The following PAK5 variants were observed in gnomAD, a reference collection of about 807,000 sequenced individuals.
PAK5 encodes serine/threonine-protein kinase PAK 5.
Under a neutral mutation model 65.9 loss-of-function variants are expected in PAK5, and 16 were observed. The ratio of observed to expected loss-of-function variants is 0.24; its 90% CI spans 0.16 to 0.37. The LOEUF is 0.37. Ranked by LOEUF, PAK5 falls within the 10% of genes least tolerant of loss-of-function variation. The probability of loss-of-function intolerance (pLI) is 1.00; values close to 1 mark genes in which losing one functional copy is unlikely to be tolerated. For synonymous variants in PAK5, 371 were observed against 354.9 expected, an observed-to-expected ratio of 1.05 and a Z score of -0.51; for missense variants, 785 against 903.9, an observed-to-expected ratio of 0.87 and a Z score of 1.69.
At chr20:9,704,959 G>A (rs2123471903) in intron 2 of PAK5, among the ~76,000 whole-genome samples, 1 of 152,320 alleles carries the variant, frequency 6.6e-6, no homozygotes, top group Middle Eastern at 3.4e-3. Context: ...TCCCACAGGA[G>A]CAAGACGCTC....
chr20:9,627,884 C>A (rs1439850202), intron 3 of PAK5, among the ~76,000 whole-genome samples: 1 of 152,206 alleles, frequency 6.6e-6, no homozygotes, highest in Non-Finnish European at 1.5e-5. Context: ...GCCTCTGCCT[C>A]CCAAAGTGCT....
intron 9 of PAK5, among the ~76,000 whole-genome samples, chr20:9,542,019 AC>A: frequency 6.6e-6 from 1 of 152,202 alleles, no homozygotes. Flanking sequence ...TTTGTAAATT[AC>A]TCAGTCTTGG....
chr20:9,758,944 G>A (rs2048666524), intron 1 of PAK5, among the ~76,000 whole-genome samples: 1 of 152,062 alleles, frequency 6.6e-6, no homozygotes, highest in African/African-American at 2.4e-5. Flanking sequence ...AGGTTTCAGA[G>A]CCCACTGAGT....
intron 1 of PAK5, among the ~76,000 whole-genome samples, chr20:9,780,065 T>C (rs1159500403): frequency 6.6e-6 from 1 of 152,104 alleles, no homozygotes; most frequent in East Asian, 1.9e-4. Context: ...ACCAGACACA[T>C]TTTCTGCATG....
At position 9,827,110 on chromosome 20, in the gene PAK5, T is replaced by C. The variant is rs2081476033; in HGVS notation, c.-162+11652A>G. ...AATCTTTCTCTCTACCTCTTTTTTA[T>C]TCACAGAAAATAGAAAACCAGTATT... On this transcript the variant is annotated intron_variant, in intron 1 of 9. Coordinates refer to ENST00000353224, the MANE Select transcript of PAK5 (RefSeq NM_177990.4). Among the ~76,000 whole-genome samples, 6 of 152,244 alleles carry C rather than the reference T, an allele frequency of 3.9e-5. No individual in the cohort carries two copies. In the South Asian group the frequency reaches 1.0e-3, roughly 26 times the overall value.
intron 1 of PAK5, among the ~76,000 whole-genome samples, chr20:9,772,947 C>T (rs775937985): frequency 5.9e-5 from 9 of 152,194 alleles, no homozygotes; most frequent in Non-Finnish European, 1.2e-4. Context: ...GAAACTGAGG[C>T]ATTGTCTCTC....
intron 1 of PAK5, among the ~76,000 whole-genome samples, chr20:9,722,556 G>A (rs1366100642): frequency 3.9e-5 from 6 of 151,920 alleles, no homozygotes; most frequent in Non-Finnish European, 7.4e-5. Flanking sequence ...AGCTTGCAGT[G>A]AGCCGCGATC....
At chr20:9,735,880 G>A (rs2123567990) in intron 1 of PAK5, among the ~76,000 whole-genome samples, 1 of 150,846 alleles carries the variant, frequency 6.6e-6, no homozygotes, top group East Asian at 2.0e-4. Flanking sequence ...ACAACTTTGA[G>A]ACATAGCAAT....
chr20:9,790,092 C>T (rs2049034096), intron 1 of PAK5, among the ~76,000 whole-genome samples: 1 of 152,138 alleles, frequency 6.6e-6, no homozygotes, highest in Admixed American at 6.6e-5. Context: ...TTTTCCATGA[C>T]AGCCCAAAGA....
intron 3 of PAK5, among the ~76,000 whole-genome samples, chr20:9,620,327 G>A (rs1277033461): frequency 6.6e-6 from 1 of 152,220 alleles, no homozygotes; most frequent in Non-Finnish European, 1.5e-5. Flanking sequence ...TCCTAAAAGG[G>A]AACAATGAAA....
chr20:9,581,808 G>A (rs1318322553), intron 3 of PAK5, among the ~76,000 whole-genome samples: 2 of 152,180 alleles, frequency 1.3e-5, no homozygotes, highest in African/African-American at 2.4e-5. Flanking sequence ...CAAATATGAT[G>A]GGGGTGGATA....
chr20:9,576,999 G>C (rs1294713145), intron 4 of PAK5, among the ~76,000 whole-genome samples: 3 of 152,226 alleles, frequency 2.0e-5, no homozygotes, highest in African/African-American at 4.8e-5. Flanking sequence ...GAGAGCACAG[G>C]AATCAGCAAA....
chr20:9,644,731 G>C lies in PAK5; in HGVS notation c.-11-392C>G, dbSNP rs576901119. 7.2e-5 allele frequency among the ~76,000 whole-genome samples: 11 copies of C among 152,286 alleles called. No homozygotes were observed. The East Asian group carries it at 7.7e-4, about 11-fold the overall frequency. On this transcript the variant is annotated intron_variant, in intron 2 of 9. Coordinates refer to ENST00000353224, the MANE Select transcript of PAK5 (RefSeq NM_177990.4). Reference sequence around the variant, plus strand: ...CTCTCAGGGAGATGACACTTCCTCAGCCTAGGTCTTGGAAGGAGAGATGCA... The same window carrying C: ...CTCTCAGGGAGATGACACTTCCTCACCCTAGGTCTTGGAAGGAGAGATGCA...
chr20:9,563,325 T>C (rs185830368), intron 5 of PAK5, among the ~76,000 whole-genome samples: 2 of 152,334 alleles, frequency 1.3e-5, no homozygotes, highest in East Asian at 3.9e-4. Flanking sequence ...TGGTTGACCA[T>C]CTTTGGGGAT....
chr20:9,590,544 C>T (rs2046150774), intron 3 of PAK5, among the ~76,000 whole-genome samples: 1 of 151,446 alleles, frequency 6.6e-6, no homozygotes, highest in Non-Finnish European at 1.5e-5. Context: ...AAAAAGTTTG[C>T]TGAACCCTGA....
chr20:9,811,162 A>G (rs1031362902), intron 1 of PAK5, among the ~76,000 whole-genome samples: 1 of 152,156 alleles, frequency 6.6e-6, no homozygotes, highest in African/African-American at 2.4e-5. Flanking sequence ...ATTGTTTACA[A>G]AGTACTGGCC....
intron 4 of PAK5, among the ~76,000 whole-genome samples, chr20:9,574,997 T>G (rs1183159114): frequency 6.6e-6 from 1 of 152,180 alleles, no homozygotes; most frequent in African/African-American, 2.4e-5. Flanking sequence ...GGAGCCATGG[T>G]TGAATCTGGG....
chr20:9,596,614 C>T (rs1160136151), intron 3 of PAK5, among the ~76,000 whole-genome samples: 6 of 121,056 alleles, frequency 5.0e-5, no homozygotes, highest in South Asian at 2.6e-4. Context: ...CCAGCCTGGG[C>T]GACAGAGCGA....
chr20:9,658,636 C>T (rs749296788), intron 2 of PAK5, among the ~76,000 whole-genome samples: 5 of 152,086 alleles, frequency 3.3e-5, no homozygotes, highest in Non-Finnish European at 5.9e-5. Context: ...TGTTTGCAAA[C>T]GACCACAATA....
Sources: gnomAD v4.1 joint callset for allele counts (sites outside exome capture counted in the v4.1 genomes callset) on GRCh38, gnomAD v4.1.1 for gene constraint, MANE v1.5 for transcripts, NCBI Gene and HGNC (gene_info 2026-07-23, HGNC 2026-07-21) for gene names.